ZAN: variants seen among roughly 807,000 people sequenced by gnomAD.
ZAN encodes the protein zonadhesin, also known as zonadhesin (gene/pseudogene).
In ZAN, 260 loss-of-function variants were observed where a neutral mutation model predicts 286.2. The observed-to-expected ratio is 0.91, with a 90% CI of 0.82 to 1.01. ZAN has a LOEUF of 1.01. Ranked by LOEUF, ZAN falls within the 50% of genes least tolerant of loss-of-function variation. The pLI is 0.00. For synonymous variants in ZAN, 1,368 were observed against 1,417.5 expected, an observed-to-expected ratio of 0.97 and a Z score of 0.79; for missense variants, 3,410 against 3,639.2, an observed-to-expected ratio of 0.94 and a Z score of 1.62.
chr7:100,746,725 A>G, intron 8 of ZAN, 23 bp downstream of exon 8: 1 of 1,612,834 alleles, frequency 6.2e-7, no homozygotes, highest in Non-Finnish European at 8.5e-7. Context: ...AATTAATGGG[A>G]TTTACACTGA....
At position 100,775,573 on chromosome 7, in the gene ZAN, C is replaced by T; in HGVS notation, c.6025C>T (p.Leu2009=). Residue 2009 remains leucine (L), a splice_region_variant and synonymous_variant, in exon 32 of 48, where the codon CTA becomes TTA. Coordinates refer to ENST00000613979, the MANE Select transcript of ZAN (RefSeq NM_003386.3). ...QVTLQKGHRV[L]INSKQVTLPA... is the part of the protein sequence containing the mutation. ...CACCCTGCAGAAGGGCCACCGTGTG[C>T]TAGTGAGCTGGGTGTGGTGACCGGG... 1 of 1,613,250 alleles carries T rather than the reference C, an allele frequency of 6.2e-7. No homozygotes were observed.
intron 15 of ZAN, among the ~76,000 whole-genome samples, chr7:100,756,774 CTGTT>C (rs1222120620): frequency 2.0e-5 from 3 of 150,462 alleles, no homozygotes; most frequent in African/African-American, 4.9e-5. Flanking sequence ...GTTTGTTTGT[CTGTT>C]TGTTTTTGAG....
At position 100,736,802 on chromosome 7, in the gene ZAN, C is replaced by T. The variant is rs770650589; in HGVS notation, c.254-7C>T. 2.0e-5 allele frequency: 30 copies of T among 1,468,364 alleles called. 6 individuals carry two copies. The highest frequency in any genetic ancestry group is 2.8e-5 in the Non-Finnish European group (30 of 1,080,400). 91.0% of individuals were successfully genotyped at this position (1,468,364 alleles called of 1,614,324 possible). A position where few individuals can be genotyped will look rare whatever the true frequency, so the allele number is the denominator to read the frequency against. On this transcript the variant is annotated splice_region_variant and splice_polypyrimidine_tract_variant and intron_variant, in intron 4 of 47. Coordinates refer to ENST00000613979, the MANE Select transcript of ZAN (RefSeq NM_003386.3). ...GGCCTCAGTGTCTTGGGCTCTGCCT[C>T]CCCCAGAGGGCAGCTATCTGCATAT...
intron 27 of ZAN, among the ~76,000 whole-genome samples, chr7:100,769,647 C>G (rs1194328926): frequency 6.6e-6 from 1 of 151,454 alleles, no homozygotes; most frequent in South Asian, 2.1e-4. Flanking sequence ...TGGGCTCAAG[C>G]CATCCTCCCA....
rs1475293482 is a variant in ZAN, at chr7:100,770,001, T to C, written c.5248+27T>C. 4 of 1,548,100 alleles carry C rather than the reference T, an allele frequency of 2.6e-6. No individual in the cohort carries two copies. In the African/African-American group the frequency reaches 4.1e-5, roughly 16 times the overall value. Reference sequence around the variant, plus strand: ...TAAGACATGTCCCTGCTGGCCCTTTTTCCTCCCTGAAGGACAGGAGGCTGG... The same window carrying C: ...TAAGACATGTCCCTGCTGGCCCTTTCTCCTCCCTGAAGGACAGGAGGCTGG... On this transcript the variant is annotated intron_variant, in intron 28 of 47. Coordinates refer to ENST00000613979, the MANE Select transcript of ZAN (RefSeq NM_003386.3).
rs539462950 is a variant in ZAN, at chr7:100,737,429, G to A, written c.613+80G>A. On this transcript the variant is annotated intron_variant, in intron 6 of 47. Transcript: ENST00000613979. ...GCACAACAAGAAGAGGATCCAGGGC[G>A]GGCGCGGTGGCTCATGCCTGTAATC... 3.2e-5 allele frequency: 34 copies of A among 1,065,680 alleles called. 4 individuals are homozygous for A. The highest frequency in any genetic ancestry group is 2.4e-4 in the South Asian group (15 of 62,194). The allele number at this position is 1,065,680 out of a possible 1,614,324, so 66.0% of individuals were successfully genotyped here.
chr7:100,750,805 C>T lies in ZAN; in HGVS notation c.1430C>T (p.Pro477Leu), dbSNP rs375877589. 197 of 1,608,864 alleles carry T rather than the reference C, an allele frequency of 1.2e-4. 1 individual carries two copies. The African/African-American group carries it at 2.1e-3, about 18-fold the overall frequency. Residue 477 changes from proline (P) to leucine (L), a missense_variant, in exon 12 of 48, where the codon CCG (proline) becomes CTG (leucine). Transcript: ENST00000613979. ...LLLGSPAGSP[P>L]IPLWKRVGSQ... is the part of the protein sequence containing the mutation. ...CTGGGAAGTCCTGCGGGGAGTCCCC[C>T]GATTCCTCTCTGGAAACGCGTGGGG... is the stretch of plus-strand genomic sequence containing the variant.
chr7:100,772,094 ATTC>A (rs1206646432), intron 29 of ZAN, 74 bp downstream of exon 29: 1 of 1,349,802 alleles, frequency 7.4e-7, no homozygotes. Context: ...CTTCCTCTAA[ATTC>A]TTTTTTTTTT....
At chr7:100,755,983 C>T (rs1216316574) in intron 15 of ZAN, among the ~76,000 whole-genome samples, 4 of 152,146 alleles carry the variant, frequency 2.6e-5, no homozygotes, top group Non-Finnish European at 4.4e-5. Flanking sequence ...CTCCACCTCC[C>T]GGGTTCAAGC....
chr7:100,766,343 TGAAAAAAC>T (rs1344465724), intron 23 of ZAN, among the ~76,000 whole-genome samples, 174 bp from the exon 24 acceptor site: 2 of 152,116 alleles, frequency 1.3e-5, no homozygotes, highest in Non-Finnish European at 2.9e-5. Context: ...ATGTAGTGAC[TGAAAAAAC>T]GAATGGATGC....
At chr7:100,754,394 G>A (rs1234720652) in intron 14 of ZAN, among the ~76,000 whole-genome samples, 1 of 151,982 alleles carries the variant, frequency 6.6e-6, no homozygotes, top group Non-Finnish European at 1.5e-5. Context: ...GGGAGGCAGA[G>A]CTTGCAGTGA....
Position 100,748,220 on chromosome 7 carries a change from G to A in ZAN, c.1102+5G>A. Reference sequence around the variant, plus strand: ...CCAGCATTGCTCCTTGTGGGGGTGAGAGCAGGCCCTGAGAGGCCCGGATCT... The same window carrying A: ...CCAGCATTGCTCCTTGTGGGGGTGAAAGCAGGCCCTGAGAGGCCCGGATCT... On this transcript the variant is annotated splice_donor_5th_base_variant and intron_variant, in intron 10 of 47. Transcript: ENST00000613979. 1.2e-6 allele frequency: 2 copies of A among 1,613,936 alleles called. No homozygotes were observed. The highest frequency in any genetic ancestry group is 1.3e-5 in the African/African-American group (1 of 75,044).
rs201467036 is a variant in ZAN at position 100,736,985 on chromosome 7, C to T, written c.430C>T (p.Arg144Cys). ...LLLLSGEEGR[R>C]PDVLWKHWNT... ...GCTGCTCTCGGGTGAAGAGGGCCGC[C>T]GCCCCGATGTGCTCTGGAAACACTG... Residue 144 changes from arginine (R) to cysteine (C), a missense_variant, in exon 5 of 48, where the codon CGC becomes TGC. Physicochemically the swap from Arg to Cys is radical, Grantham distance 180. Transcript: ENST00000613979. 619 of 1,502,618 alleles carry T rather than the reference C, an allele frequency of 4.1e-4. 106 individuals are homozygous for T. Among genetic ancestry groups the T allele is most frequent in the East Asian group, 1.3e-3 (54 of 43,116 alleles). The allele number at this position is 1,502,618 out of a possible 1,614,324, so 93.1% of individuals were successfully genotyped here.
At chr7:100,786,774 T>A (rs1008631904) in intron 37 of ZAN, among the ~76,000 whole-genome samples, 2 of 151,488 alleles carry the variant, frequency 1.3e-5, no homozygotes, top group Non-Finnish European at 2.9e-5. Flanking sequence ...CCAGGGAGGC[T>A]GGGCATGGTG....
rs571056477 is a variant in ZAN at position 100,765,391 on chromosome 7, C to T, written c.4307C>T (p.Ala1436Val). 4.3e-5 allele frequency: 69 copies of T among 1,613,972 alleles called. No individual in the cohort carries two copies. Among genetic ancestry groups the T allele is most frequent in the South Asian group, 1.4e-4 (13 of 91,066 alleles). ...CPPNSKYSLC[A>V]KPCPDTCHSG... ...CCCAACAGCAAGTACTCCCTGTGTGCGAAGCCATGCCCTGACACCTGCCAT... is the reference window on the plus strand; with the variant it reads ...CCCAACAGCAAGTACTCCCTGTGTGTGAAGCCATGCCCTGACACCTGCCAT... The change falls in exon 23 of 48, where the codon GCG becomes GTG. Residue 1436 changes from alanine (A) to valine (V), a missense_variant. Ala to Val is a moderately conservative substitution (Grantham distance 64). Coordinates refer to ENST00000613979, the MANE Select transcript of ZAN (RefSeq NM_003386.3).
In ZAN at chr7:100,771,887, C is replaced by T. The variant is rs1781807207; in HGVS notation, c.5292C>T (p.Ser1764=). Reference sequence around the variant, plus strand: ...ACCAGGTGGTGCCTCCCCAGTCCAGCTTTGCCAGTTGCGTGCATGGTCAGT... The same window carrying T: ...ACCAGGTGGTGCCTCCCCAGTCCAGTTTTGCCAGTTGCGTGCATGGTCAGT... The part of the protein sequence containing the change: ...QCHQVVPPQS[S]FASCVHGQCG... Residue 1764 remains serine (S), a synonymous_variant, in exon 29 of 48, where the codon AGC becomes AGT. Transcript: ENST00000613979. 1 of 1,613,164 alleles carries T rather than the reference C, an allele frequency of 6.2e-7. No homozygotes were observed. Among genetic ancestry groups the T allele is most frequent in the Non-Finnish European group, 8.5e-7 (1 of 1,179,738 alleles).
chr7:100,743,370 C>G (rs901025003), intron 7 of ZAN, among the ~76,000 whole-genome samples: 1 of 151,996 alleles, frequency 6.6e-6, no homozygotes, highest in African/African-American at 2.4e-5. Context: ...CTTCTTTCCA[C>G]CACCTCCCTG....
At chr7:100,771,096 G>A (rs1810340607) in intron 28 of ZAN, among the ~76,000 whole-genome samples, 1 of 151,988 alleles carries the variant, frequency 6.6e-6, no homozygotes, top group Admixed American at 6.6e-5. Context: ...GAGCCATCAT[G>A]CCTGGCCTAA....
intron 31 of ZAN, 82 bp from the exon 32 acceptor site, chr7:100,775,246 G>C: frequency 6.6e-7 from 1 of 1,517,836 alleles, no homozygotes; most frequent in Non-Finnish European, 8.8e-7. Context: ...CTGGAAGGCA[G>C]GGAGAACCCA....
Sources: gnomAD v4.1 joint callset for allele counts (sites outside exome capture counted in the v4.1 genomes callset) on GRCh38, gnomAD v4.1.1 for gene constraint, MANE v1.5 for transcripts, NCBI Gene and HGNC (gene_info 2026-07-23, HGNC 2026-07-21) for gene names.